IMMP2L: variants seen among roughly 807,000 people sequenced by gnomAD.
IMMP2L encodes inner mitochondrial membrane peptidase subunit 2, also known as mitochondrial inner membrane protease subunit 2.
IMMP2L carries 18 observed loss-of-function variants against 19.3 expected under a neutral mutation model. The observed-to-expected ratio is 0.93, with a 90% CI of 0.64 to 1.38. The LOEUF (loss-of-function observed/expected upper bound fraction) is 1.38, where lower values mean the gene tolerates loss of function less well. Ranked by LOEUF, IMMP2L falls within the 40% of genes most tolerant of loss-of-function variation. The probability of loss-of-function intolerance (pLI) is 0.00; values close to 1 mark genes in which losing one functional copy is unlikely to be tolerated. For synonymous variants in IMMP2L, 76 were observed against 73.0 expected (o/e 1.04, Z -0.21); for missense variants, 233 against 218.2 (o/e 1.07, Z -0.43).
In IMMP2L at chr7:111,028,138, A is replaced by G. The variant is rs138651451; in HGVS notation, c.240-64573T>C. Reference sequence around the variant, plus strand: ...AGAAATAAATTTAAACGAAAGAATAATAGTATAACAATTGTTAATCAACCT... The same window carrying G: ...AGAAATAAATTTAAACGAAAGAATAGTAGTATAACAATTGTTAATCAACCT... On this transcript the variant is annotated intron_variant, in intron 3 of 5. Coordinates refer to ENST00000405709, the MANE Select transcript of IMMP2L (RefSeq NM_032549.4). Among the ~76,000 whole-genome samples the G allele has an allele frequency of 1.8e-3, 269 of 152,270 alleles. 1 individual carries two copies. Among genetic ancestry groups the G allele is most frequent in the African/African-American group, 5.3e-3 (221 of 41,574 alleles).
At chr7:110,770,035 A>T (rs1272561397) in intron 5 of IMMP2L, among the ~76,000 whole-genome samples, 1 of 152,194 alleles carries the variant, frequency 6.6e-6, no homozygotes, top group Non-Finnish European at 1.5e-5. Flanking sequence ...GCATTCATAC[A>T]AACAGAGATG....
intron 5 of IMMP2L, among the ~76,000 whole-genome samples, chr7:110,715,004 G>A (rs1471387217): frequency 6.6e-6 from 1 of 152,116 alleles, no homozygotes; most frequent in Non-Finnish European, 1.5e-5. Context: ...TCGGGAGGTT[G>A]TGTGTTTCCA....
At chr7:111,530,735 A>T (rs958029041) in intron 1 of IMMP2L, among the ~76,000 whole-genome samples, 3 of 152,136 alleles carry the variant, frequency 2.0e-5, no homozygotes, top group African/African-American at 7.2e-5. Flanking sequence ...TGGTGGGTTT[A>T]AAAATGTTCA....
chr7:111,224,925 A>G (rs1812916911), intron 3 of IMMP2L, among the ~76,000 whole-genome samples: 2 of 152,094 alleles, frequency 1.3e-5, no homozygotes, highest in Non-Finnish European at 2.9e-5. Flanking sequence ...TCTTAGTTCC[A>G]TTATATCTCA....
intron 3 of IMMP2L, among the ~76,000 whole-genome samples, chr7:111,415,893 ACAAC>A (rs1463125849): frequency 3.3e-5 from 5 of 151,634 alleles, no homozygotes; most frequent in African/African-American, 1.2e-4. Flanking sequence ...AACAACAACA[ACAAC>A]AAAAAAACAG....
At chr7:111,487,946 G>C (rs115261563) in intron 2 of IMMP2L, among the ~76,000 whole-genome samples, 25 of 152,228 alleles carry the variant, frequency 1.6e-4, no homozygotes, top group African/African-American at 6.0e-4. Context: ...ATTCAGAGAA[G>C]TCTAACTGTG....
At chr7:111,100,857 G>C (rs896017631) in intron 3 of IMMP2L, among the ~76,000 whole-genome samples, 3 of 151,524 alleles carry the variant, frequency 2.0e-5, no homozygotes, top group African/African-American at 7.3e-5. Flanking sequence ...TAAATATCTT[G>C]CAAATTGAAC....
intron 3 of IMMP2L, among the ~76,000 whole-genome samples, chr7:111,484,970 T>A (rs1842504982): frequency 6.6e-6 from 1 of 152,060 alleles, no homozygotes; most frequent in East Asian, 1.9e-4. Flanking sequence ...GTATTTTTTG[T>A]AGAGACAGGG....
At chr7:111,147,870 A>G (rs1386622588) in intron 3 of IMMP2L, among the ~76,000 whole-genome samples, 1 of 152,134 alleles carries the variant, frequency 6.6e-6, no homozygotes, top group Non-Finnish European at 1.5e-5. Context: ...GAATTTATTC[A>G]AGAAAAATAG....
chr7:111,135,288 A>T (rs1013144419), intron 3 of IMMP2L, among the ~76,000 whole-genome samples: 5 of 152,180 alleles, frequency 3.3e-5, no homozygotes, highest in African/African-American at 1.2e-4. Context: ...AAGATATAAG[A>T]CATACTCATA....
intron 3 of IMMP2L, among the ~76,000 whole-genome samples, chr7:111,380,939 A>G (rs1273015623): frequency 6.6e-6 from 1 of 151,362 alleles, no homozygotes; most frequent in Non-Finnish European, 1.5e-5. Flanking sequence ...GAAAAATATC[A>G]GGTTATTCTC....
chr7:111,012,633 G>T (rs1714786339), intron 3 of IMMP2L, among the ~76,000 whole-genome samples: 1 of 152,104 alleles, frequency 6.6e-6, no homozygotes, highest in Non-Finnish European at 1.5e-5. Context: ...GATTTAGAGC[G>T]ACTATTTATA....
intron 4 of IMMP2L, among the ~76,000 whole-genome samples, chr7:110,909,892 G>C (rs995932462): frequency 1.3e-5 from 2 of 150,462 alleles, no homozygotes; most frequent in Non-Finnish European, 3.0e-5. Flanking sequence ...AAACAGAGGA[G>C]AGAGAGAGAG....
chr7:111,430,725 G>A (rs1311652001), intron 3 of IMMP2L, among the ~76,000 whole-genome samples: 1 of 151,564 alleles, frequency 6.6e-6, no homozygotes, highest in Non-Finnish European at 1.5e-5. Context: ...GATGCTGGGT[G>A]CACAAAATAA....
At chr7:111,435,753 T>C (rs375531663) in intron 3 of IMMP2L, among the ~76,000 whole-genome samples, 3 of 151,844 alleles carry the variant, frequency 2.0e-5, no homozygotes, top group Admixed American at 6.6e-5. Context: ...CTACAAATTA[T>C]AGAAGCAGCC....
At chr7:110,822,228 A>G (rs1803097169) in intron 5 of IMMP2L, among the ~76,000 whole-genome samples, 1 of 152,140 alleles carries the variant, frequency 6.6e-6, no homozygotes, top group Non-Finnish European at 1.5e-5. Context: ...CTTCAATCTT[A>G]CATTGTCAAC....
At chr7:111,217,126 T>TCTCTCTCTCACACA (rs1472700586) in intron 3 of IMMP2L, among the ~76,000 whole-genome samples, 2 of 124,070 alleles carry the variant, frequency 1.6e-5, no homozygotes, top group African/African-American at 6.3e-5. Flanking sequence ...TCTCTCTCTC[T>TCTCTCTCTCACACA]CACACACACA....
chr7:111,407,634 T>C (rs897758867), intron 3 of IMMP2L, among the ~76,000 whole-genome samples: 1 of 151,934 alleles, frequency 6.6e-6, no homozygotes, highest in African/African-American at 2.4e-5. Flanking sequence ...AGATTACTGG[T>C]TGCCTGGAGG....
At chr7:111,140,869 G>A (rs1211320717) in intron 3 of IMMP2L, among the ~76,000 whole-genome samples, 1 of 152,160 alleles carries the variant, frequency 6.6e-6, no homozygotes, top group African/African-American at 2.4e-5. Flanking sequence ...ATGACTGAGT[G>A]ACAAAGCAAA....
Sources: allele counts gnomAD v4.1 joint callset (sites outside exome capture counted in the v4.1 genomes callset), GRCh38; gene constraint gnomAD v4.1.1; transcripts MANE v1.5; gene names NCBI Gene and HGNC (gene_info 2026-07-23, HGNC 2026-07-21).